Variants in PALS2 observed in about 807,000 individuals in gnomAD.
The protein encoded by PALS2 is protein PALS2.
Under a neutral mutation model 61.6 loss-of-function variants are expected in PALS2, and 27 were observed. That is an observed-to-expected ratio of 0.44 (90% CI 0.32 to 0.60). The LOEUF is 0.60. Among genes scored for constraint, PALS2 ranks in the 20% least tolerant of loss-of-function variants. The pLI is 0.05. For missense variants in PALS2, 554 were observed against 639.4 expected (o/e 0.87, Z 1.44); for synonymous variants, 236 against 218.6 (o/e 1.08, Z -0.70).
At chr7:24,581,673 A>G (rs1782851330) in intron 1 of PALS2, among the ~76,000 whole-genome samples, 1 of 152,194 alleles carries the variant, frequency 6.6e-6, no homozygotes, top group Non-Finnish European at 1.5e-5. Flanking sequence ...GATGCTGCAA[A>G]CAGTGCACAG....
intron 5 of PALS2, among the ~76,000 whole-genome samples, chr7:24,662,084 A>G (rs1233498480): frequency 1.3e-5 from 2 of 152,218 alleles, no homozygotes; most frequent in Non-Finnish European, 2.9e-5. Flanking sequence ...CTAAAATTAT[A>G]TATCAGGAAA....
intron 1 of PALS2, among the ~76,000 whole-genome samples, chr7:24,595,515 T>TAATATATA (rs1562604220): frequency 9.5e-6 from 1 of 105,138 alleles, no homozygotes; most frequent in African/African-American, 4.7e-5. Context: ...ATATAATATA[T>TAATATATA]AATATATATA....
chr7:24,655,939 A>G (rs987699629), intron 5 of PALS2, among the ~76,000 whole-genome samples: 1 of 152,066 alleles, frequency 6.6e-6, no homozygotes, highest in Non-Finnish European at 1.5e-5. Context: ...TTTTTTAACC[A>G]AACATACCTT....
In PALS2 at chr7:24,691,405, G is replaced by GTGTGTGTGTGTGTGTGTATA. The variant is rs1274329385; in HGVS notation, c.*3792_*3793insGTGTGTGTGTGTGTGTATAT. On this transcript the variant is annotated 3_prime_UTR_variant, in exon 12 of 12. Coordinates refer to ENST00000222644, the MANE Select transcript of PALS2 (RefSeq NM_001303037.2). ...ATATTATGTATGTGTGTGTGTGTGT[G>GTGTGTGTGTGTGTGTGTATA]TATATATATATATATATATATATAT... is the stretch of plus-strand genomic sequence containing the variant. 8 of 110,596 alleles carry GTGTGTGTGTGTGTGTGTATA rather than the reference G, an allele frequency of 7.2e-5. No individual in the cohort carries two copies. The highest frequency in any genetic ancestry group is 1.9e-4 in the African/African-American group (6 of 32,380). 6.9% of individuals were successfully genotyped at this position (110,596 alleles called of 1,614,324 possible). A position where few individuals can be genotyped will look rare whatever the true frequency, so the allele number is the denominator to read the frequency against.
chr7:24,601,817 T>C (rs911887335), intron 1 of PALS2, among the ~76,000 whole-genome samples: 2 of 152,264 alleles, frequency 1.3e-5, no homozygotes, highest in Non-Finnish European at 2.9e-5. Context: ...GATGTCATCA[T>C]TGAGCCATTC....
chr7:24,672,238 GT>G, intron 9 of PALS2, among the ~76,000 whole-genome samples: 1 of 147,874 alleles, frequency 6.8e-6, no homozygotes, highest in Middle Eastern at 3.5e-3. Flanking sequence ...GTTTTGTTTT[GT>G]TTTGTTGAGA....
At chr7:24,641,439 A>G (rs1785546293) in intron 2 of PALS2, among the ~76,000 whole-genome samples, 1 of 152,132 alleles carries the variant, frequency 6.6e-6, no homozygotes, top group Non-Finnish European at 1.5e-5. Context: ...TAGGTTTTGT[A>G]AATAATTAGC....
intron 1 of PALS2, among the ~76,000 whole-genome samples, chr7:24,610,448 G>A (rs1464572511): frequency 6.6e-6 from 1 of 152,100 alleles, no homozygotes; most frequent in Non-Finnish European, 1.5e-5. Flanking sequence ...ATCTAACCAC[G>A]TGCATAGCGT....
chr7:24,679,746 T>C (rs1787818081), intron 10 of PALS2, among the ~76,000 whole-genome samples: 1 of 152,134 alleles, frequency 6.6e-6, no homozygotes. Context: ...CACTCTATAT[T>C]TCTGTCACCT....
At chr7:24,660,523 G>A (rs1183403755) in intron 5 of PALS2, among the ~76,000 whole-genome samples, 1 of 151,526 alleles carries the variant, frequency 6.6e-6, no homozygotes, top group African/African-American at 2.4e-5. Flanking sequence ...CCTTATTGGT[G>A]CATACACTTC....
chr7:24,656,007 C>T (rs530625298), intron 5 of PALS2, among the ~76,000 whole-genome samples: 4 of 152,082 alleles, frequency 2.6e-5, no homozygotes, highest in Admixed American at 6.6e-5. Flanking sequence ...ACGAAGTAGA[C>T]CAAGTTCGTA....
chr7:24,619,104 T>C (rs1784397535), intron 1 of PALS2, among the ~76,000 whole-genome samples: 1 of 152,214 alleles, frequency 6.6e-6, no homozygotes, highest in Non-Finnish European at 1.5e-5. Context: ...CTGGATTTAA[T>C]TACCTTGTAA....
At chr7:24,589,735 C>T (rs756831343) in intron 1 of PALS2, among the ~76,000 whole-genome samples, 1 of 152,122 alleles carries the variant, frequency 6.6e-6, no homozygotes, top group Non-Finnish European at 1.5e-5. Flanking sequence ...ATTAATGCTA[C>T]ATGACATGCA....
chr7:24,658,851 G>A lies in PALS2; in HGVS notation c.652-4739G>A, dbSNP rs114695514. The stretch of plus-strand genomic sequence containing the variant: ...ATTGCAGGTGTGAGCCACTGCACCC[G>A]GCCCTTCCAACTTCTAGGTTCAAGG... On this transcript the variant is annotated intron_variant, in intron 5 of 11. Coordinates refer to ENST00000222644, the MANE Select transcript of PALS2 (RefSeq NM_001303037.2). Among the ~76,000 whole-genome samples, 792 of 152,048 alleles carry A rather than the reference G, an allele frequency of 5.2e-3. 7 individuals are homozygous for A. Among genetic ancestry groups the A allele is most frequent in the African/African-American group, 0.017 (724 of 41,486 alleles).
chr7:24,624,060 A>G (rs1336493715), intron 2 of PALS2: 2 of 1,336,878 alleles, frequency 1.5e-6, no homozygotes, highest in South Asian at 1.2e-5. Context: ...GTGTTTTAAC[A>G]GGGCCTGTGA....
intron 10 of PALS2, among the ~76,000 whole-genome samples, chr7:24,679,862 AAAT>A (rs1007938780): frequency 4.1e-4 from 62 of 152,318 alleles, no homozygotes; most frequent in African/African-American, 1.3e-3. Context: ...ACTATGCCTT[AAAT>A]ACAAATATAT....
chr7:24,680,945 A>G (rs1292137205), intron 11 of PALS2, among the ~76,000 whole-genome samples: 1 of 152,240 alleles, frequency 6.6e-6, no homozygotes, highest in Non-Finnish European at 1.5e-5. Flanking sequence ...ATAAGGTGCT[A>G]CAGAATGAAA....
Position 24,590,592 on chromosome 7 carries a change from T to C in PALS2, c.-3+16999T>C, listed in dbSNP as rs1783246418. The stretch of plus-strand genomic sequence containing the variant: ...ATCTGAGACAGGCCAACTTCCTTAT[T>C]GTCTTCCTTGGCCAACAGGCATGTT... On this transcript the variant is annotated intron_variant, in intron 1 of 11. Transcript: ENST00000222644. Among the ~76,000 whole-genome samples, 5 of 152,138 alleles carry C rather than the reference T, an allele frequency of 3.3e-5. No homozygotes were observed. The South Asian group carries it at 1.0e-3, about 31-fold the overall frequency.
intron 9 of PALS2, among the ~76,000 whole-genome samples, chr7:24,669,749 C>T (rs1450355739): frequency 1.3e-5 from 2 of 152,102 alleles, no homozygotes; most frequent in Admixed American, 6.6e-5. Flanking sequence ...CTTGTCATTG[C>T]CCCCCTGTGC....
Sources: gnomAD v4.1 joint callset for allele counts (sites outside exome capture counted in the v4.1 genomes callset) on GRCh38, gnomAD v4.1.1 for gene constraint, MANE v1.5 for transcripts, NCBI Gene and HGNC (gene_info 2026-07-23, HGNC 2026-07-21) for gene names.